CNTNAP2: variants seen among roughly 807,000 people sequenced by gnomAD.
The protein encoded by CNTNAP2 is contactin associated protein 2.
Under a neutral mutation model 155.2 loss-of-function variants are expected in CNTNAP2, and 98 were observed. The observed-to-expected ratio is 0.63, with a 90% CI of 0.54 to 0.75. CNTNAP2 has a LOEUF of 0.75. CNTNAP2 is among the 30% of genes least tolerant of loss of function. The pLI is 0.00. For missense variants in CNTNAP2, 1,727 were observed against 1,688.1 expected, an observed-to-expected ratio of 1.02 and a Z score of -0.40; for synonymous variants, 651 against 631.2, an observed-to-expected ratio of 1.03 and a Z score of -0.47.
chr7:147,301,094 A>G (rs144424945), intron 9 of CNTNAP2, among the ~76,000 whole-genome samples: 12 of 152,302 alleles, frequency 7.9e-5, no homozygotes, highest in Non-Finnish European at 1.3e-4. Flanking sequence ...TCACAAGGGC[A>G]TGATTATAAA....
At chr7:147,065,036 T>A (rs1199151474) in intron 4 of CNTNAP2, among the ~76,000 whole-genome samples, 1 of 152,186 alleles carries the variant, frequency 6.6e-6, no homozygotes, top group African/African-American at 2.4e-5. Flanking sequence ...TAATTTCTGC[T>A]TCTGATAGAA....
At position 147,297,980 on chromosome 7, in the gene CNTNAP2, T is replaced by C. The variant is rs569716581; in HGVS notation, c.1349-2161T>C. Among the ~76,000 whole-genome samples the C allele has an allele frequency of 5.9e-5, 9 of 152,334 alleles. No homozygotes were observed. The South Asian group carries it at 8.3e-4, about 14-fold the overall frequency. On this transcript the variant is annotated intron_variant, in intron 8 of 23. Transcript: ENST00000361727. ...TCATATGGTAGACCAGAGATGATAGTGGGCTCACATAGCTGTTTGCCTTAT... is the reference window on the plus strand; with the variant it reads ...TCATATGGTAGACCAGAGATGATAGCGGGCTCACATAGCTGTTTGCCTTAT...
chr7:146,948,340 AGTTCATGATGT>A, intron 3 of CNTNAP2, among the ~76,000 whole-genome samples: 1 of 152,218 alleles, frequency 6.6e-6, no homozygotes, highest in African/African-American at 2.4e-5. Flanking sequence ...CAGAAAATTA[AGTTCATGATGT>A]AAGATAATTT....
intron 21 of CNTNAP2, among the ~76,000 whole-genome samples, chr7:148,288,331 C>T (rs1585244634): frequency 6.6e-6 from 1 of 151,898 alleles, no homozygotes; most frequent in Non-Finnish European, 1.5e-5. Flanking sequence ...AAACTCCTGA[C>T]TTCGTGATCT....
At chr7:147,580,097 C>T (rs1230599675) in intron 12 of CNTNAP2, among the ~76,000 whole-genome samples, 1 of 152,216 alleles carries the variant, frequency 6.6e-6, no homozygotes, top group Non-Finnish European at 1.5e-5. Flanking sequence ...ACTGTTCATG[C>T]ATGTTGACCC....
chr7:147,825,125 A>T (rs1798426434), intron 13 of CNTNAP2, among the ~76,000 whole-genome samples: 1 of 152,240 alleles, frequency 6.6e-6, no homozygotes, highest in Admixed American at 6.5e-5. Context: ...AGGATTCAAT[A>T]GTTATAGTTA....
chr7:146,842,716 C>T (rs370763015), intron 3 of CNTNAP2, among the ~76,000 whole-genome samples: 25 of 152,198 alleles, frequency 1.6e-4, no homozygotes, highest in African/African-American at 5.1e-4. Context: ...GACGGAGTCT[C>T]GCTCTTTCGC....
At chr7:147,383,223 C>T (rs1233526839) in intron 9 of CNTNAP2, among the ~76,000 whole-genome samples, 3 of 152,112 alleles carry the variant, frequency 2.0e-5, no homozygotes, top group Non-Finnish European at 4.4e-5. Context: ...TTACTCAATA[C>T]ATTTTTCTTC....
intron 1 of CNTNAP2, among the ~76,000 whole-genome samples, chr7:146,700,919 G>T (rs1800866231): frequency 6.6e-6 from 1 of 151,996 alleles, no homozygotes; most frequent in African/African-American, 2.4e-5. Flanking sequence ...GAATCCCAAG[G>T]TCCTCTGAGT....
chr7:147,288,514 A>G (rs1222899270), intron 8 of CNTNAP2, among the ~76,000 whole-genome samples: 4 of 152,224 alleles, frequency 2.6e-5, no homozygotes, highest in Admixed American at 2.0e-4. Context: ...TAAGATGAAA[A>G]GCAAAGACTG....
intron 1 of CNTNAP2, among the ~76,000 whole-genome samples, chr7:146,294,012 C>A (rs766198971): frequency 2.0e-5 from 3 of 151,942 alleles, no homozygotes; most frequent in Non-Finnish European, 4.4e-5. Context: ...AAAAGATTTC[C>A]GTGACACCTT....
intron 13 of CNTNAP2, among the ~76,000 whole-genome samples, chr7:147,832,065 G>T (rs2116636714): frequency 6.7e-6 from 1 of 149,990 alleles, no homozygotes; most frequent in Non-Finnish European, 1.5e-5. Flanking sequence ...TCTCTTGATG[G>T]CATAGAAATT....
intron 2 of CNTNAP2, among the ~76,000 whole-genome samples, chr7:146,815,294 G>A (rs1008462696): frequency 6.6e-6 from 1 of 152,064 alleles, no homozygotes; most frequent in African/African-American, 2.4e-5. Context: ...TAATATATTT[G>A]TAATGAAGAC....
chr7:147,475,215 A>G (rs1205755690), intron 10 of CNTNAP2, among the ~76,000 whole-genome samples: 1 of 152,196 alleles, frequency 6.6e-6, no homozygotes, highest in Non-Finnish European at 1.5e-5. Context: ...TGATTTGGGG[A>G]AAGTACACTA....
At chr7:147,258,642 AAG>A (rs1198333282) in intron 8 of CNTNAP2, among the ~76,000 whole-genome samples, 4 of 152,106 alleles carry the variant, frequency 2.6e-5, no homozygotes, top group Non-Finnish European at 4.4e-5. Context: ...ATAGGTGAAA[AAG>A]AGTCGAAGAT....
chr7:147,328,444 C>T (rs1212308683), intron 9 of CNTNAP2, among the ~76,000 whole-genome samples: 2 of 152,220 alleles, frequency 1.3e-5, no homozygotes, highest in African/African-American at 2.4e-5. Flanking sequence ...AGCTTCTCCA[C>T]TACTGTAGTC....
chr7:146,801,749 G>A (rs1802882340), intron 2 of CNTNAP2, among the ~76,000 whole-genome samples: 1 of 152,138 alleles, frequency 6.6e-6, no homozygotes, highest in Non-Finnish European at 1.5e-5. Flanking sequence ...CATTGTCAAT[G>A]TGGTACAGAT....
intron 21 of CNTNAP2, among the ~76,000 whole-genome samples, chr7:148,300,543 T>C (rs1245042298): frequency 6.7e-6 from 1 of 148,922 alleles, no homozygotes; most frequent in Non-Finnish European, 1.5e-5. Context: ...TTTCACTGAG[T>C]TTCCACCCTG....
Position 148,225,644 on chromosome 7 carries a change from G to T in CNTNAP2, c.3248-4002G>T, listed in dbSNP as rs144946694. 5.0e-3 allele frequency among the ~76,000 whole-genome samples: 769 copies of T among 152,304 alleles called. 10 individuals carry two copies. Among genetic ancestry groups the T allele is most frequent in the African/African-American group, 0.017 (721 of 41,558 alleles). ...TGGTGAGGACACTGTGTATCTCAGG[G>T]TCAGAGGCCCAGTGGGATCAGGGAA... On this transcript the variant is annotated intron_variant, in intron 19 of 23. Transcript: ENST00000361727.
Sources: allele counts gnomAD v4.1 joint callset (sites outside exome capture counted in the v4.1 genomes callset), GRCh38; gene constraint gnomAD v4.1.1; transcripts MANE v1.5; gene names NCBI Gene and HGNC (gene_info 2026-07-23, HGNC 2026-07-21).